Variants in WDR27 observed in about 807,000 individuals in gnomAD.
WDR27 encodes WD repeat-containing protein 27.
Under a neutral mutation model 114.4 loss-of-function variants are expected in WDR27, and 100 were observed. The observed-to-expected ratio is 0.87, with a 90% CI of 0.74 to 1.03. WDR27 has a LOEUF of 1.03. Among genes scored for constraint, WDR27 ranks in the 50% least tolerant of loss-of-function variants. WDR27 has a pLI of 0.00. For missense variants in WDR27, 1,129 were observed against 1,092.9 expected, an observed-to-expected ratio of 1.03 and a Z score of -0.47; for synonymous variants, 449 against 423.1, an observed-to-expected ratio of 1.06 and a Z score of -0.75.
At chr6:169,443,003 A>C in the WDR27 span, among the ~76,000 whole-genome samples, 1 of 152,256 alleles carries the variant, frequency 6.6e-6, no homozygotes, top group Non-Finnish European at 1.5e-5. Flanking sequence ...ATGAGAGGAG[A>C]CCACATTCCA....
At chr6:169,645,008 C>CAAAAAAAAAAAAA (rs1194294838) in intron 16 of WDR27, among the ~76,000 whole-genome samples, 5 of 7,436 alleles carry the variant, frequency 6.7e-4, no homozygotes, top group Non-Finnish European at 8.5e-4. Context: ...GACTCCGTCT[C>CAAAAAAAAAAAAA]AAAAAAAAAA....
At chr6:169,617,942 AG>A (rs1425996954) in intron 21 of WDR27, among the ~76,000 whole-genome samples, 1 of 152,228 alleles carries the variant, frequency 6.6e-6, no homozygotes, top group African/African-American at 2.4e-5. Flanking sequence ...CTTCATTAAA[AG>A]GAAAACCTTA....
intron 25 of WDR27, among the ~76,000 whole-genome samples, chr6:169,530,983 T>G (rs2128079621): frequency 6.6e-6 from 1 of 152,302 alleles, no homozygotes; most frequent in South Asian, 2.1e-4. Flanking sequence ...GCAGTGGCTT[T>G]GTATCAAATT....
intron 25 of WDR27, among the ~76,000 whole-genome samples, chr6:169,479,955 G>A (rs919698431): frequency 4.6e-5 from 7 of 152,254 alleles, no homozygotes; most frequent in African/African-American, 1.7e-4. Context: ...GAGCCCTTCA[G>A]CCAGCCACTG....
At chr6:169,675,381 C>T (rs998395782) in intron 2 of WDR27, among the ~76,000 whole-genome samples, 1 of 152,172 alleles carries the variant, frequency 6.6e-6, no homozygotes, top group African/African-American at 2.4e-5. Context: ...GAGGCCCTCA[C>T]CAGAAGCCAA....
At chr6:169,573,419 C>T (rs1007653083) in intron 24 of WDR27, among the ~76,000 whole-genome samples, 6 of 152,152 alleles carry the variant, frequency 3.9e-5, no homozygotes, top group South Asian at 2.1e-4. Context: ...CTGTGCAAGT[C>T]CACTTATAGA....
At chr6:169,546,763 A>C (rs1429758438) in intron 25 of WDR27, among the ~76,000 whole-genome samples, 5 of 152,236 alleles carry the variant, frequency 3.3e-5, no homozygotes, top group Non-Finnish European at 5.9e-5. Context: ...TTTCTATGTA[A>C]AATCTCCAGC....
intron 25 of WDR27, among the ~76,000 whole-genome samples, chr6:169,555,847 C>G (rs1798800259): frequency 6.6e-6 from 1 of 152,098 alleles, no homozygotes; most frequent in South Asian, 2.1e-4. Context: ...GAAGTTCCAC[C>G]AAGAACACCA....
chr6:169,667,426 G>A, intron 5 of WDR27: 1 of 977,656 alleles, frequency 1.0e-6, no homozygotes, highest in Non-Finnish European at 1.2e-6. Flanking sequence ...TTGAAGAATT[G>A]GAAACAAAAA....
intron 23 of WDR27, among the ~76,000 whole-genome samples, chr6:169,584,016 T>G (rs1985384): frequency 0.46 from 69,101 of 151,852 alleles, 19,049 homozygotes; most frequent in East Asian, 0.85. Flanking sequence ...CCTGGACTTC[T>G]CCATCCTCGC....
intron 22 of WDR27, among the ~76,000 whole-genome samples, chr6:169,612,968 G>A (rs1461970417): frequency 2.0e-5 from 3 of 152,126 alleles, no homozygotes; most frequent in Non-Finnish European, 2.9e-5. Context: ...AACAATTATT[G>A]TTATATCAAG....
At chr6:169,486,756 C>T (rs1230715199) in intron 25 of WDR27, among the ~76,000 whole-genome samples, 1 of 152,154 alleles carries the variant, frequency 6.6e-6, no homozygotes, top group African/African-American at 2.4e-5. Flanking sequence ...CCCCAAAGTG[C>T]TGGGATTACA....
rs954510993 is a variant in WDR27, at chr6:169,544,340, A to T, written c.2645+28079T>A. ...CAGAGAAAATCCCAAGAAATTTATT[A>T]AAAAAAAACTCTTAGAACTAATAAG... On this transcript the variant is annotated intron_variant, in intron 25 of 25. Transcript: ENST00000448612. 3.6e-4 allele frequency among the ~76,000 whole-genome samples: 52 copies of T among 142,642 alleles called. 1 individual carries two copies. The highest frequency in any genetic ancestry group is 1.4e-3 in the East Asian group (7 of 5,174). 93.6% of individuals were successfully genotyped at this position (142,642 alleles called of 152,430 possible).
chr6:169,476,306 G>A (rs1787153911), intron 25 of WDR27, among the ~76,000 whole-genome samples: 1 of 152,166 alleles, frequency 6.6e-6, no homozygotes, highest in African/African-American at 2.4e-5. Flanking sequence ...CTGGCTCCTT[G>A]CTCCTTGCTC....
the WDR27 span, among the ~76,000 whole-genome samples, chr6:169,445,798 G>A: frequency 6.6e-6 from 1 of 152,208 alleles, no homozygotes; most frequent in Non-Finnish European, 1.5e-5. Flanking sequence ...GCTGCAGACC[G>A]AGGCGGTGCT....
intron 25 of WDR27, among the ~76,000 whole-genome samples, chr6:169,541,283 T>C (rs1032098237): frequency 8.5e-5 from 13 of 152,100 alleles, no homozygotes; most frequent in African/African-American, 2.9e-4. Context: ...CAAACCAATA[T>C]TTAAAACTAT....
chr6:169,574,676 G>A (rs1052972885), intron 24 of WDR27, among the ~76,000 whole-genome samples: 1 of 152,132 alleles, frequency 6.6e-6, no homozygotes, highest in African/African-American at 2.4e-5. Context: ...CAGCTTCCAG[G>A]ACTCGGTGAG....
intron 21 of WDR27, among the ~76,000 whole-genome samples, chr6:169,621,940 C>A (rs1156822347): frequency 6.6e-6 from 1 of 152,146 alleles, no homozygotes; most frequent in Non-Finnish European, 1.5e-5. Flanking sequence ...GAAAATAAAT[C>A]TCTGGGCCCC....
At chr6:169,666,858 T>A (rs994934882) in intron 6 of WDR27, 1 of 985,362 alleles carries the variant, frequency 1.0e-6, no homozygotes, top group African/African-American at 1.7e-5. Flanking sequence ...CCCTGGGTAC[T>A]CAGGCATTTT....
Sources: allele counts gnomAD v4.1 joint callset (sites outside exome capture counted in the v4.1 genomes callset), GRCh38; gene constraint gnomAD v4.1.1; transcripts MANE v1.5; gene names NCBI Gene and HGNC (gene_info 2026-07-23, HGNC 2026-07-21).